B3GALT1: variants seen among roughly 807,000 people sequenced by gnomAD.
B3GALT1 encodes beta-1,3-galactosyltransferase 1.
A neutral mutation model predicts 23.2 loss-of-function variants in B3GALT1; 10 were observed. That is an observed-to-expected ratio of 0.43 (90% CI 0.27 to 0.73). The LOEUF is 0.73. B3GALT1 is among the 30% of genes least tolerant of loss of function. B3GALT1 has a pLI of 0.21. For synonymous variants in B3GALT1, 156 were observed against 141.5 expected (o/e 1.10, Z -0.73); for missense variants, 299 against 405.4 (o/e 0.74, Z 2.25).
At chr2:167,535,724 C>A (rs1683405979) in intron 2 of B3GALT1, among the ~76,000 whole-genome samples, 1 of 151,936 alleles carries the variant, frequency 6.6e-6, no homozygotes, top group Non-Finnish European at 1.5e-5. Flanking sequence ...GAAAAGTTTT[C>A]TTCTGTATTA....
At chr2:167,440,070 G>T (rs979589853) in intron 1 of B3GALT1, among the ~76,000 whole-genome samples, 31 of 151,784 alleles carry the variant, frequency 2.0e-4, no homozygotes, top group African/African-American at 7.3e-4. Context: ...AAGGCTGGGG[G>T]CAGTGGCTCA....
At chr2:167,834,039 T>C (rs1483367638) in intron 4 of B3GALT1, among the ~76,000 whole-genome samples, 1 of 152,126 alleles carries the variant, frequency 6.6e-6, no homozygotes, top group African/African-American at 2.4e-5. Context: ...TATTGCAGAG[T>C]AGATTCTTAT....
intron 1 of B3GALT1, among the ~76,000 whole-genome samples, chr2:167,391,531 T>C (rs540263605): frequency 6.6e-6 from 1 of 152,306 alleles, no homozygotes; most frequent in African/African-American, 2.4e-5. Context: ...GCTGGTTGCT[T>C]TAATGATAGC....
intron 1 of B3GALT1, among the ~76,000 whole-genome samples, chr2:167,350,594 A>C (rs1347075356): frequency 1.3e-5 from 2 of 152,172 alleles, no homozygotes; most frequent in African/African-American, 4.8e-5. Context: ...CATCCAGCGT[A>C]TGAAAACTTT....
At chr2:167,651,994 G>T (rs1685877238) in intron 3 of B3GALT1, among the ~76,000 whole-genome samples, 1 of 152,028 alleles carries the variant, frequency 6.6e-6, no homozygotes, top group African/African-American at 2.4e-5. Flanking sequence ...ATCAAGCAGA[G>T]AATTCTGAAT....
chr2:167,422,137 G>A (rs1466009319), intron 1 of B3GALT1, among the ~76,000 whole-genome samples: 2 of 151,656 alleles, frequency 1.3e-5, no homozygotes, highest in Non-Finnish European at 2.9e-5. Context: ...AGAAGGGGGA[G>A]GAGGAGGGAG....
At chr2:167,843,828 T>G (rs1689701681) in intron 4 of B3GALT1, among the ~76,000 whole-genome samples, 1 of 152,196 alleles carries the variant, frequency 6.6e-6, no homozygotes, top group South Asian at 2.1e-4. Flanking sequence ...AAGTTATGAC[T>G]TTCAGTGGCA....
chr2:167,505,940 G>A (rs1699910574), intron 2 of B3GALT1, among the ~76,000 whole-genome samples: 2 of 151,880 alleles, frequency 1.3e-5, no homozygotes, highest in South Asian at 2.1e-4. Context: ...GGCTCCTGTA[G>A]TCCCGGCTAC....
intron 2 of B3GALT1, among the ~76,000 whole-genome samples, chr2:167,495,631 C>T (rs1378998138): frequency 6.6e-6 from 1 of 152,146 alleles, no homozygotes; most frequent in Non-Finnish European, 1.5e-5. Flanking sequence ...CCGTGCCCGG[C>T]TTTGCCAGCT....
intron 4 of B3GALT1, among the ~76,000 whole-genome samples, chr2:167,822,672 T>C (rs1689133253): frequency 6.6e-6 from 1 of 152,190 alleles, no homozygotes; most frequent in African/African-American, 2.4e-5. Flanking sequence ...CTCCTCTCTC[T>C]TGGCACTGGT....
chr2:167,640,003 A>T (rs1206633832), intron 2 of B3GALT1, among the ~76,000 whole-genome samples: 1 of 151,818 alleles, frequency 6.6e-6, no homozygotes, highest in Admixed American at 6.6e-5. Flanking sequence ...TTATTTTAAG[A>T]TTAAATGATG....
At position 167,643,141 on chromosome 2, in the gene B3GALT1, C is replaced by T. The variant is rs146030527; in HGVS notation, c.-409-3768C>T. ...ATATAAGTAAGATAAGCTTTGTGCA[C>T]ATACCATCTATGAAATTCTGTTACA... On this transcript the variant is annotated intron_variant, in intron 2 of 4. Transcript: ENST00000392690. 1.4e-3 allele frequency among the ~76,000 whole-genome samples: 210 copies of T among 152,240 alleles called. 1 individual carries two copies. The highest frequency in any genetic ancestry group is 7.9e-3 in the South Asian group (38 of 4,826).
chr2:167,484,397 G>A (rs1287330796), intron 1 of B3GALT1, among the ~76,000 whole-genome samples: 1 of 152,174 alleles, frequency 6.6e-6, no homozygotes, highest in Non-Finnish European at 1.5e-5. Flanking sequence ...CTGAGAACGT[G>A]TGCCCAAGGT....
At chr2:167,404,677 T>C (rs1489643546) in intron 1 of B3GALT1, among the ~76,000 whole-genome samples, 1 of 152,216 alleles carries the variant, frequency 6.6e-6, no homozygotes, top group Non-Finnish European at 1.5e-5. Flanking sequence ...CTTCATTCAG[T>C]ACAGTTTGCT....
At chr2:167,387,904 A>G (rs944424875) in intron 1 of B3GALT1, among the ~76,000 whole-genome samples, 5 of 152,210 alleles carry the variant, frequency 3.3e-5, no homozygotes, top group Non-Finnish European at 7.3e-5. Flanking sequence ...ATTTCATAAT[A>G]GCATTGAACG....
At chr2:167,827,922 C>T (rs897361366) in intron 4 of B3GALT1, among the ~76,000 whole-genome samples, 2 of 152,152 alleles carry the variant, frequency 1.3e-5, no homozygotes, top group Admixed American at 6.6e-5. Context: ...CGAAGCACAG[C>T]AGAGACAGGC....
chr2:167,825,022 C>A (rs1390426480), intron 4 of B3GALT1, among the ~76,000 whole-genome samples: 1 of 151,862 alleles, frequency 6.6e-6, no homozygotes, highest in Non-Finnish European at 1.5e-5. Flanking sequence ...ACAAGCAAAA[C>A]TGCCTGTAAT....
chr2:167,554,512 A>T (rs1683809187), intron 2 of B3GALT1, among the ~76,000 whole-genome samples: 1 of 152,176 alleles, frequency 6.6e-6, no homozygotes, highest in Non-Finnish European at 1.5e-5. Flanking sequence ...TTATGCAGAT[A>T]ATCTGCCTGT....
chr2:167,717,360 T>A (rs1421963685), intron 3 of B3GALT1, among the ~76,000 whole-genome samples: 11 of 152,124 alleles, frequency 7.2e-5, no homozygotes, highest in African/African-American at 1.9e-4. Flanking sequence ...TACATATGTA[T>A]ACATGTGCCA....
Sources: allele counts gnomAD v4.1 joint callset (sites outside exome capture counted in the v4.1 genomes callset), GRCh38; gene constraint gnomAD v4.1.1; transcripts MANE v1.5; gene names NCBI Gene and HGNC (gene_info 2026-07-23, HGNC 2026-07-21).